The following CACNB2 variants were observed in gnomAD, a reference collection of about 807,000 sequenced individuals.
CACNB2 encodes the protein voltage-dependent L-type calcium channel subunit beta-2.
A neutral mutation model predicts 73.3 loss-of-function variants in CACNB2; 42 were observed. The observed-to-expected ratio is 0.57, with a 90% CI of 0.45 to 0.74. The LOEUF (loss-of-function observed/expected upper bound fraction) is 0.74. Ranked by LOEUF, CACNB2 falls within the 30% of genes least tolerant of loss-of-function variation. The pLI is 0.00. For missense variants in CACNB2, 940 were observed against 853.0 expected, an observed-to-expected ratio of 1.10 and a Z score of -1.27; for synonymous variants, 348 against 310.3, an observed-to-expected ratio of 1.12 and a Z score of -1.28.
At chr10:18,201,333 G>A (rs1050861054) in intron 2 of CACNB2, among the ~76,000 whole-genome samples, 7 of 149,844 alleles carry the variant, frequency 4.7e-5, no homozygotes, top group East Asian at 2.0e-4. Context: ...GGAGTACAGC[G>A]GCATGATCTT....
At chr10:18,235,958 G>T (rs1271398036) in intron 2 of CACNB2, among the ~76,000 whole-genome samples, 1 of 152,090 alleles carries the variant, frequency 6.6e-6, no homozygotes, top group African/African-American at 2.4e-5. Flanking sequence ...GTTTAAAAGT[G>T]AGTGGCACCT....
At chr10:18,311,638 TGAA>T (rs1040132271) in intron 2 of CACNB2, among the ~76,000 whole-genome samples, 7 of 152,334 alleles carry the variant, frequency 4.6e-5, no homozygotes, top group South Asian at 4.1e-4. Context: ...TTACTATTCA[TGAA>T]GAAGAAGTAG....
At chr10:18,326,910 A>G (rs1456676194) in intron 2 of CACNB2, among the ~76,000 whole-genome samples, 2 of 152,078 alleles carry the variant, frequency 1.3e-5, no homozygotes. Context: ...TATTTTTGGT[A>G]GAGACGGGTT....
intron 2 of CACNB2, among the ~76,000 whole-genome samples, chr10:18,191,776 T>C (rs1329010311): frequency 3.3e-5 from 5 of 152,234 alleles, no homozygotes; most frequent in African/African-American, 1.2e-4. Flanking sequence ...AATTCATTCC[T>C]TTTTATGGCT....
chr10:18,430,150 A>C (rs6482412), intron 3 of CACNB2, among the ~76,000 whole-genome samples: 2 of 151,396 alleles, frequency 1.3e-5, no homozygotes, highest in Non-Finnish European at 2.9e-5. Context: ...AAAAAGGGAC[A>C]TATTACCTAA....
At chr10:18,352,876 T>G (rs1366357631) in intron 2 of CACNB2, among the ~76,000 whole-genome samples, 1 of 152,234 alleles carries the variant, frequency 6.6e-6, no homozygotes, top group Non-Finnish European at 1.5e-5. Flanking sequence ...ACAGAATATG[T>G]GAGCATATTT....
At chr10:18,144,588 C>G (rs1421579872) in intron 1 of CACNB2, among the ~76,000 whole-genome samples, 1 of 152,208 alleles carries the variant, frequency 6.6e-6, no homozygotes, top group African/African-American at 2.4e-5. Context: ...GTGGTAGCTG[C>G]TAGCCACCTG....
chr10:18,537,648 G>A (rs2053731416), intron 12 of CACNB2, among the ~76,000 whole-genome samples: 1 of 151,912 alleles, frequency 6.6e-6, no homozygotes, highest in Non-Finnish European at 1.5e-5. Context: ...TTGGTGGTAG[G>A]CACCTGTAAC....
chr10:18,258,906 C>G (rs2037402973), intron 2 of CACNB2, among the ~76,000 whole-genome samples: 1 of 146,132 alleles, frequency 6.8e-6, no homozygotes, highest in Non-Finnish European at 1.5e-5. Flanking sequence ...TTTTTTTTTC[C>G]AGGATGTACT....
chr10:18,260,472 G>A lies in CACNB2; in HGVS notation c.213+109497G>A, dbSNP rs140304441. 1.1e-4 allele frequency: 111 copies of A among 985,388 alleles called. 1 individual carries two copies. In the African/African-American group the frequency reaches 1.6e-3, roughly 14 times the overall value. 61.0% of individuals were successfully genotyped at this position (985,388 alleles called of 1,614,324 possible). A position where few individuals can be genotyped will look rare whatever the true frequency, so the allele number is the denominator to read the frequency against. On this transcript the variant is annotated intron_variant, in intron 2 of 13. Transcript: ENST00000324631. The stretch of plus-strand genomic sequence containing the variant: ...AGCGAGCACCAAACAACTGTGCGCC[G>A]CAGTGCTTGAGCGAGTCAGGTCCTG...
intron 2 of CACNB2, among the ~76,000 whole-genome samples, chr10:18,151,731 A>T (rs995448338): frequency 3.3e-5 from 5 of 152,124 alleles, no homozygotes; most frequent in Non-Finnish European, 5.9e-5. Flanking sequence ...ACCCCTCTCC[A>T]TGGGGTGGAA....
chr10:18,220,501 A>G (rs2035748449), intron 2 of CACNB2, among the ~76,000 whole-genome samples: 1 of 151,716 alleles, frequency 6.6e-6, no homozygotes, highest in African/African-American at 2.4e-5. Flanking sequence ...ACCTCAAGTC[A>G]TCTGCCTGCC....
intron 9 of CACNB2, among the ~76,000 whole-genome samples, chr10:18,527,298 C>G (rs2052568363): frequency 6.6e-6 from 1 of 151,948 alleles, no homozygotes; most frequent in African/African-American, 2.4e-5. Context: ...ATCACTTGAA[C>G]CTGAAAGGTG....
At chr10:18,371,478 G>A (rs540365549) in intron 2 of CACNB2, among the ~76,000 whole-genome samples, 22 of 152,104 alleles carry the variant, frequency 1.4e-4, no homozygotes, top group African/African-American at 4.3e-4. Context: ...TTGTCCTTGC[G>A]ATAGTTTGCT....
chr10:18,485,413 G>C (rs1455249140), intron 3 of CACNB2, among the ~76,000 whole-genome samples: 3 of 152,036 alleles, frequency 2.0e-5, no homozygotes, highest in Non-Finnish European at 4.4e-5. Flanking sequence ...TATAAGACTT[G>C]ATAGCTACAC....
chr10:18,270,314 A>C (rs2037995071), intron 2 of CACNB2, among the ~76,000 whole-genome samples: 1 of 152,160 alleles, frequency 6.6e-6, no homozygotes, highest in Non-Finnish European at 1.5e-5. Context: ...CTCCCTCGAC[A>C]AGGGGGGATT....
At chr10:18,369,229 A>G (rs1048344054) in intron 2 of CACNB2, among the ~76,000 whole-genome samples, 30 of 152,218 alleles carry the variant, frequency 2.0e-4, no homozygotes, top group African/African-American at 6.8e-4. Flanking sequence ...CAATTAAGCT[A>G]TCAAATTTAA....
intron 3 of CACNB2, among the ~76,000 whole-genome samples, chr10:18,408,670 C>T (rs1202199285): frequency 1.3e-5 from 2 of 152,138 alleles, no homozygotes; most frequent in Non-Finnish European, 2.9e-5. Flanking sequence ...GAAATTTGCT[C>T]TTGGGAGGAA....
At chr10:18,178,393 T>C (rs1234807923) in intron 2 of CACNB2, among the ~76,000 whole-genome samples, 1 of 152,216 alleles carries the variant, frequency 6.6e-6, no homozygotes, top group Admixed American at 6.5e-5. Flanking sequence ...CAAGAAATGT[T>C]GATTAAATAT....
Sources: gnomAD v4.1 joint callset for allele counts (sites outside exome capture counted in the v4.1 genomes callset) on GRCh38, gnomAD v4.1.1 for gene constraint, MANE v1.5 for transcripts, NCBI Gene and HGNC (gene_info 2026-07-23, HGNC 2026-07-21) for gene names.